The following TRIM63 variants were observed in gnomAD, a reference collection of about 807,000 sequenced individuals.
TRIM63 encodes the protein tripartite motif containing 63, also known as E3 ubiquitin-protein ligase TRIM63.
In TRIM63, 48 loss-of-function variants were observed where a neutral mutation model predicts 46.0. The ratio of observed to expected loss-of-function variants is 1.04; its 90% CI spans 0.83 to 1.33. The LOEUF (loss-of-function observed/expected upper bound fraction) is 1.33, where lower values mean the gene tolerates loss of function less well. Ranked by LOEUF, TRIM63 falls within the 40% of genes most tolerant of loss-of-function variation. The pLI is 0.00. For missense variants in TRIM63, 455 were observed against 441.2 expected, an observed-to-expected ratio of 1.03 and a Z score of -0.28; for synonymous variants, 175 against 162.8, an observed-to-expected ratio of 1.08 and a Z score of -0.57.
At chr1:26,057,115 C>G in intron 7 of TRIM63, 88 bp downstream of exon 7, 3 of 1,519,382 alleles carry the variant, frequency 2.0e-6, no homozygotes, top group East Asian at 2.3e-5. Flanking sequence ...ATTAGTGTAT[C>G]TGCCTCCCCA....
At chr1:26,062,144 C>T (rs949714147) in intron 2 of TRIM63, among the ~76,000 whole-genome samples, 1 of 151,948 alleles carries the variant, frequency 6.6e-6, no homozygotes, top group African/African-American at 2.4e-5. Flanking sequence ...GTGGCATGCA[C>T]CTGTAATCCC....
chr1:26,057,231 G>A lies in TRIM63; in HGVS notation c.951C>T (p.Asp317=), dbSNP rs147739771. ...TCCCAAAGTCAATGGCTCTCAGGGCGTCTGCTATGTGCTCTAAATCCAAAG... is the reference window on the plus strand; with the variant it reads ...TCCCAAAGTCAATGGCTCTCAGGGCATCTGCTATGTGCTCTAAATCCAAAG... ...FFTLDLEHIA[D]ALRAIDFGTD... is the part of the protein sequence containing the mutation. The change falls in exon 7 of 9, where the codon GAC becomes GAT. Residue 317 remains aspartate (D), a synonymous_variant. Transcript: ENST00000374272. 164 of 1,614,022 alleles carry A rather than the reference G, an allele frequency of 1.0e-4. 1 individual carries two copies. Among genetic ancestry groups the A allele is most frequent in the Admixed American group, 4.7e-4 (28 of 60,002 alleles).
chr1:26,057,281 C>T lies in TRIM63; in HGVS notation c.901G>A (p.Gly301Ser). The change falls in exon 7 of 9, where the codon GGC (glycine) becomes AGC (serine). Residue 301 changes from glycine to serine, a missense_variant. By Grantham distance (56) the Gly-to-Ser change is moderately conservative. Transcript: ENST00000374272. ...GTAAAGAAGTCCATGTTCTCAAAGC[C>T]CTGCTCTGTCTTCCCCAGCTGGCAG... ...KGCQLGKTEQ[G>S]FENMDFFTLD... 6.2e-7 allele frequency: 1 copy of T among 1,614,160 alleles called. No individual in the cohort carries two copies. Among genetic ancestry groups the T allele is most frequent in the Non-Finnish European group, 8.5e-7 (1 of 1,180,026 alleles).
At chr1:26,054,130 C>G (rs564140723) in intron 7 of TRIM63, among the ~76,000 whole-genome samples, 166 bp from the exon 8 acceptor site, 1 of 152,216 alleles carries the variant, frequency 6.6e-6, no homozygotes, top group Non-Finnish European at 1.5e-5. Flanking sequence ...GCTTGCCAGA[C>G]CCACGCTGCA....
At chr1:26,059,579 C>A (rs887565513) in intron 4 of TRIM63, among the ~76,000 whole-genome samples, 2 of 152,226 alleles carry the variant, frequency 1.3e-5, no homozygotes, top group East Asian at 3.9e-4. Flanking sequence ...CTCATCAGAC[C>A]GGGAGCCTCT....
At chr1:26,060,204 C>T in intron 4 of TRIM63, 62 bp downstream of exon 4, 2 of 1,511,946 alleles carry the variant, frequency 1.3e-6, no homozygotes, top group Non-Finnish European at 9.1e-7. Context: ...TGAGCCTTCC[C>T]CAGAGACCAG....
chr1:26,066,786 C>T (rs1163262132), intron 1 of TRIM63, among the ~76,000 whole-genome samples: 12 of 152,176 alleles, frequency 7.9e-5, no homozygotes, highest in African/African-American at 2.4e-4. Flanking sequence ...AAGATAATAT[C>T]GTGAAAGAAC....
At chr1:26,064,848 T>C (rs1329248985) in intron 2 of TRIM63, among the ~76,000 whole-genome samples, 1 of 152,118 alleles carries the variant, frequency 6.6e-6, no homozygotes, top group Non-Finnish European at 1.5e-5. Flanking sequence ...TGAGATCTGG[T>C]CTGTCACCTT....
intron 2 of TRIM63, among the ~76,000 whole-genome samples, chr1:26,064,893 T>C (rs1332992125): frequency 6.6e-6 from 1 of 152,198 alleles, no homozygotes; most frequent in Non-Finnish European, 1.5e-5. Flanking sequence ...GGCAGATGCC[T>C]TGGTGAAGGC....
intron 5 of TRIM63, among the ~76,000 whole-genome samples, chr1:26,058,187 A>T (rs1324634235): frequency 6.6e-6 from 1 of 152,158 alleles, no homozygotes; most frequent in East Asian, 1.9e-4. Flanking sequence ...TTTCATAAAC[A>T]TCCTCTTATC....
intron 2 of TRIM63, among the ~76,000 whole-genome samples, chr1:26,063,262 G>A (rs568941305): frequency 8.3e-5 from 12 of 144,974 alleles, no homozygotes; most frequent in African/African-American, 2.6e-4. Context: ...TTCTGTCTCC[G>A]GCTAGACTAT....
At chr1:26,063,909 G>T (rs970797180) in intron 2 of TRIM63, among the ~76,000 whole-genome samples, 6 of 152,216 alleles carry the variant, frequency 3.9e-5, no homozygotes, top group Non-Finnish European at 8.8e-5. Flanking sequence ...GTGTGGAATT[G>T]ATTTTATTAT....
chr1:26,057,107 T>C, intron 7 of TRIM63, 96 bp downstream of exon 7: 1 of 1,462,222 alleles, frequency 6.8e-7, no homozygotes, highest in Non-Finnish European at 9.3e-7. Flanking sequence ...GGATCTTTAT[T>C]AGTGTATCTG....
In TRIM63 at chr1:26,053,887, T is replaced by A. The variant is rs370389074; in HGVS notation, c.1051+6A>T. On this transcript the variant is annotated splice_donor_region_variant and intron_variant, in intron 8 of 8. Transcript: ENST00000374272. ...ACGAAGGAATGGAGGTAGATGAATT[T>A]CTTACCTTCTTCCTTCCCTTCTGTG... 2.5e-6 allele frequency: 4 copies of A among 1,588,858 alleles called. No individual in the cohort carries two copies. Among genetic ancestry groups the A allele is most frequent in the Non-Finnish European group, 3.4e-6 (4 of 1,167,660 alleles).
intron 2 of TRIM63, among the ~76,000 whole-genome samples, chr1:26,065,170 C>A (rs1294197274): frequency 6.6e-6 from 1 of 151,988 alleles, no homozygotes; most frequent in Non-Finnish European, 1.5e-5. Flanking sequence ...ATGACAGGCA[C>A]GCGCCACCAC....
At position 26,061,152 on chromosome 1, in the gene TRIM63, G is replaced by A. The variant is rs776998637; in HGVS notation, c.501+14C>T. 1.2e-6 allele frequency: 2 copies of A among 1,611,492 alleles called. No individual in the cohort carries two copies. The highest frequency in any genetic ancestry group is 1.7e-6 in the Non-Finnish European group (2 of 1,178,592). On this transcript the variant is annotated intron_variant, in intron 3 of 8. Coordinates refer to ENST00000374272, the MANE Select transcript of TRIM63 (RefSeq NM_032588.4). ...CAGGCCCAGGCTGGGGGTAAAAGTGGCTGGAGACAGTACCTTTTGTCCCTG... is the reference window on the plus strand; with the variant it reads ...CAGGCCCAGGCTGGGGGTAAAAGTGACTGGAGACAGTACCTTTTGTCCCTG...
At chr1:26,054,964 G>A (rs796478747) in intron 7 of TRIM63, among the ~76,000 whole-genome samples, 5 of 126,086 alleles carry the variant, frequency 4.0e-5, no homozygotes, top group Admixed American at 8.5e-5. Context: ...GCAAAACTCC[G>A]TCTCAAAAAA....
chr1:26,053,644 T>C lies in TRIM63; in HGVS notation c.1051+249A>G, dbSNP rs559428371. Among the ~76,000 whole-genome samples the C allele has an allele frequency of 1.3e-3, 193 of 152,374 alleles. 1 individual carries two copies. Among genetic ancestry groups the C allele is most frequent in the Non-Finnish European group, 1.5e-3 (99 of 68,038 alleles). The stretch of plus-strand genomic sequence containing the variant: ...TGTCTTTTCCCTCTGCTGTGCCATA[T>C]TGCTTTCCATTTAAGAAGATCATTT... On this transcript the variant is annotated intron_variant, in intron 8 of 8. Coordinates refer to ENST00000374272, the MANE Select transcript of TRIM63 (RefSeq NM_032588.4).
chr1:26,051,421 G>T lies in TRIM63; in HGVS notation c.*452C>A, dbSNP rs146443012. The T allele has an allele frequency of 1.3e-3, 205 of 154,490 alleles. 1 individual carries two copies. The highest frequency in any genetic ancestry group is 2.3e-3 in the Admixed American group (35 of 15,352). The allele number at this position is 154,490 out of a possible 1,614,324, so 9.6% of individuals were successfully genotyped here. On this transcript the variant is annotated 3_prime_UTR_variant, in exon 9 of 9. Coordinates refer to ENST00000374272, the MANE Select transcript of TRIM63 (RefSeq NM_032588.4). ...AATACAGCACATCGTCCCTGTGAGT[G>T]CTACCCCATCCTCCTGCTCAGGAAA...
Sources: allele counts gnomAD v4.1 joint callset (sites outside exome capture counted in the v4.1 genomes callset), GRCh38; gene constraint gnomAD v4.1.1; transcripts MANE v1.5; gene names NCBI Gene and HGNC (gene_info 2026-07-23, HGNC 2026-07-21).